INPP4B: variants seen among roughly 807,000 people sequenced by gnomAD.
INPP4B encodes inositol polyphosphate 4-phosphatase type II.
Under a neutral mutation model 122.5 loss-of-function variants are expected in INPP4B, and 55 were observed. That is an observed-to-expected ratio of 0.45 (90% CI 0.36 to 0.56). The LOEUF (loss-of-function observed/expected upper bound fraction) is 0.56. Among genes scored for constraint, INPP4B ranks in the 20% least tolerant of loss-of-function variants. The probability of loss-of-function intolerance (pLI) is 0.00; values close to 1 mark genes in which losing one functional copy is unlikely to be tolerated. For synonymous variants in INPP4B, 403 were observed against 388.7 expected, an observed-to-expected ratio of 1.04 and a Z score of -0.43; for missense variants, 1,000 against 1,097.7, an observed-to-expected ratio of 0.91 and a Z score of 1.26.
At chr4:142,756,456 G>A (rs1770534289) in intron 1 of INPP4B, among the ~76,000 whole-genome samples, 1 of 151,962 alleles carries the variant, frequency 6.6e-6, no homozygotes, top group South Asian at 2.1e-4. Context: ...CTAAGCTACA[G>A]CAATATCATC....
At chr4:142,033,335 C>G (rs1469018045) in intron 25 of INPP4B, among the ~76,000 whole-genome samples, 1 of 152,128 alleles carries the variant, frequency 6.6e-6, no homozygotes, top group Non-Finnish European at 1.5e-5. Context: ...CCAGCCACAC[C>G]CTCTGGACCA....
At chr4:142,419,551 T>C (rs1446548747) in intron 5 of INPP4B, among the ~76,000 whole-genome samples, 1 of 152,136 alleles carries the variant, frequency 6.6e-6, no homozygotes, top group Non-Finnish European at 1.5e-5. Flanking sequence ...GGCTTTCTTC[T>C]ACCAGAAATG....
intron 1 of INPP4B, among the ~76,000 whole-genome samples, chr4:142,758,953 A>C (rs1770901968): frequency 1.2e-5 from 1 of 85,358 alleles, no homozygotes; most frequent in Admixed American, 1.1e-4. Context: ...ACTCAGTCTC[A>C]AAAAAAAAAA....
intron 25 of INPP4B, among the ~76,000 whole-genome samples, chr4:142,056,114 G>A (rs541343980): frequency 7.9e-5 from 12 of 151,906 alleles, no homozygotes; most frequent in African/African-American, 1.7e-4. Flanking sequence ...TTGATCTGAC[G>A]GAAGGCAGAG....
chr4:142,056,628 A>G (rs568256326), intron 25 of INPP4B, among the ~76,000 whole-genome samples: 1 of 152,256 alleles, frequency 6.6e-6, no homozygotes, highest in South Asian at 2.1e-4. Flanking sequence ...CTCAGAAAGA[A>G]GCTACTTGTC....
chr4:142,255,914 C>T (rs953932495), intron 11 of INPP4B, among the ~76,000 whole-genome samples: 8 of 146,542 alleles, frequency 5.5e-5, no homozygotes, highest in African/African-American at 2.0e-4. Context: ...TTTTTCAGCA[C>T]CACACCACAC....
At chr4:142,141,869 A>G (rs1048664353) in intron 18 of INPP4B, among the ~76,000 whole-genome samples, 1 of 152,084 alleles carries the variant, frequency 6.6e-6, no homozygotes, top group Non-Finnish European at 1.5e-5. Flanking sequence ...AAAATAAAGG[A>G]GTGTGATGAA....
intron 16 of INPP4B, among the ~76,000 whole-genome samples, chr4:142,164,990 G>C (rs1212532981): frequency 1.3e-5 from 2 of 151,642 alleles, no homozygotes; most frequent in African/African-American, 4.8e-5. Context: ...GCCCACAAGG[G>C]ACCTTAAATC....
intron 5 of INPP4B, among the ~76,000 whole-genome samples, chr4:142,410,379 C>A (rs1015638574): frequency 6.6e-6 from 1 of 152,146 alleles, no homozygotes; most frequent in Non-Finnish European, 1.5e-5. Context: ...GAAGTGAGGT[C>A]TTTTCTCTTG....
At chr4:142,717,858 G>T (rs1763990019) in intron 2 of INPP4B, among the ~76,000 whole-genome samples, 1 of 146,046 alleles carries the variant, frequency 6.8e-6, no homozygotes. Context: ...CCTGCACATT[G>T]TGCACATGTA....
intron 1 of INPP4B, among the ~76,000 whole-genome samples, chr4:142,769,416 G>A (rs2150994435): frequency 6.6e-6 from 1 of 152,204 alleles, no homozygotes; most frequent in South Asian, 2.1e-4. Context: ...AAGTACACCT[G>A]CGATATTTTA....
At chr4:142,159,575 C>A (rs545888677) in intron 17 of INPP4B, among the ~76,000 whole-genome samples, 6 of 152,052 alleles carry the variant, frequency 3.9e-5, no homozygotes, top group African/African-American at 1.4e-4. Context: ...ACATCTAATA[C>A]AGCTAGCACA....
intron 2 of INPP4B, among the ~76,000 whole-genome samples, chr4:142,464,271 A>G (rs1817301507): frequency 6.6e-6 from 1 of 152,160 alleles, no homozygotes; most frequent in Admixed American, 6.6e-5. Flanking sequence ...TAAATTTACT[A>G]TCAGTTACTA....
intron 5 of INPP4B, among the ~76,000 whole-genome samples, chr4:142,419,004 A>G (rs889432744): frequency 3.3e-5 from 5 of 152,126 alleles, no homozygotes; most frequent in African/African-American, 7.2e-5. Context: ...TTTTCAACCT[A>G]CAACTTACAG....
chr4:142,825,730 G>A (rs570213552), intron 1 of INPP4B, among the ~76,000 whole-genome samples: 15 of 152,032 alleles, frequency 9.9e-5, no homozygotes, highest in African/African-American at 3.4e-4. Flanking sequence ...TTAAAGTATG[G>A]GTAGAATTTT....
Position 142,145,950 on chromosome 4 carries a change from G to A in INPP4B, c.1610C>T (p.Ala537Val). The change falls in exon 18 of 26, where the codon GCT becomes GTT. Residue 537 changes from alanine to valine, a missense_variant. Transcript: ENST00000262992. ...TCTTTCAATCAGTTTGTCCACCATA[G>A]CAATAATGCAGTTCAGGCTCTTCCC... is the stretch of plus-strand genomic sequence containing the variant. ...NVGKSLNCIIAMVDKLIERDG... is the reference protein window; with the variant it reads ...NVGKSLNCIIVMVDKLIERDG... 4 of 1,613,774 alleles carry A rather than the reference G, an allele frequency of 2.5e-6. No homozygotes were observed. Among genetic ancestry groups the A allele is most frequent in the East Asian group, 4.5e-5 (2 of 44,868 alleles).
chr4:142,537,275 G>C (rs1238885220), intron 2 of INPP4B, among the ~76,000 whole-genome samples: 1 of 151,438 alleles, frequency 6.6e-6, no homozygotes, highest in African/African-American at 2.4e-5. Flanking sequence ...TGGATGGACA[G>C]GGCTCTTAAA....
At chr4:142,643,965 C>T (rs538569937) in intron 2 of INPP4B, among the ~76,000 whole-genome samples, 15 of 152,178 alleles carry the variant, frequency 9.9e-5, no homozygotes, top group African/African-American at 3.1e-4. Context: ...CTTTGGGAGG[C>T]TGAGGCAGGA....
chr4:142,398,402 ATATATAT>A (rs1178650687), intron 7 of INPP4B, among the ~76,000 whole-genome samples: 81 of 6,358 alleles, frequency 0.013, no homozygotes, highest in South Asian at 0.022. Flanking sequence ...AAAAAAAAAA[ATATATAT>A]ATATATATAT....
Sources: allele counts gnomAD v4.1 joint callset (sites outside exome capture counted in the v4.1 genomes callset), GRCh38; gene constraint gnomAD v4.1.1; transcripts MANE v1.5; gene names NCBI Gene and HGNC (gene_info 2026-07-23, HGNC 2026-07-21).